Variants in INVS observed in about 807,000 individuals in gnomAD.
INVS encodes the protein inversin, also known as inversion of embryo turning homolog.
Under a neutral mutation model 108.8 loss-of-function variants are expected in INVS, and 86 were observed. That is an observed-to-expected ratio of 0.79 (90% confidence interval 0.66 to 0.95). The LOEUF is 0.95. Ranked by LOEUF, INVS falls within the 40% of genes least tolerant of loss-of-function variation. The pLI, the probability that INVS is intolerant of heterozygous loss-of-function variation, is 0.00. For synonymous variants in INVS, 455 were observed against 473.5 expected (o/e 0.96, Z 0.51); for missense variants, 1,169 against 1,297.4 (o/e 0.90, Z 1.52).
intron 14 of INVS, 96 bp from the exon 15 acceptor site, chr9:100,296,821 G>A: frequency 1.0e-6 from 1 of 972,518 alleles, no homozygotes; most frequent in Non-Finnish European, 1.6e-6. Context: ...CAGGAATTCA[G>A]CAAATACTAC....
intron 12 of INVS, among the ~76,000 whole-genome samples, chr9:100,274,426 G>A (rs188763479): frequency 1.2e-4 from 19 of 152,290 alleles, no homozygotes; most frequent in Middle Eastern, 3.4e-3. Context: ...AGATATGTTG[G>A]GTAGAAGTAT....
intron 3 of INVS, among the ~76,000 whole-genome samples, chr9:100,132,167 G>A (rs960958311): frequency 2.0e-5 from 3 of 152,062 alleles, no homozygotes; most frequent in Non-Finnish European, 2.9e-5. Flanking sequence ...TGATTTCATA[G>A]TTACAGTCCT....
At chr9:100,221,285 T>C (rs985750621) in intron 3 of INVS, among the ~76,000 whole-genome samples, 1 of 151,206 alleles carries the variant, frequency 6.6e-6, no homozygotes, top group Non-Finnish European at 1.5e-5. Flanking sequence ...TTCCCAAAGA[T>C]TGAATTTGCA....
intron 2 of INVS, chr9:100,117,714 A>G: frequency 1.7e-6 from 1 of 576,398 alleles, no homozygotes; most frequent in Middle Eastern, 4.6e-4. Flanking sequence ...ATACGTTTTG[A>G]GGTAATTTTT....
chr9:100,126,639 A>C, intron 3 of INVS, 90 bp downstream of exon 3: 1 of 1,260,886 alleles, frequency 7.9e-7, no homozygotes, highest in Non-Finnish European at 1.2e-6. Context: ...GATAATAAAG[A>C]AGTCTCAAAT....
chr9:100,117,170 A>T, intron 2 of INVS: 1 of 1,175,286 alleles, frequency 8.5e-7, no homozygotes, highest in South Asian at 1.3e-5. Flanking sequence ...GGCCAGGATG[A>T]TGGCCTTACG....
intron 13 of INVS, 97 bp from the exon 14 acceptor site, chr9:100,292,227 TGA>T: frequency 9.4e-7 from 1 of 1,067,952 alleles, no homozygotes; most frequent in Admixed American, 1.7e-5. Flanking sequence ...ACTATTATGG[TGA>T]TGATATAGGC....
At chr9:100,176,577 T>C (rs986530334) in intron 3 of INVS, among the ~76,000 whole-genome samples, 40 of 152,026 alleles carry the variant, frequency 2.6e-4, no homozygotes, top group African/African-American at 8.5e-4. Flanking sequence ...TCCGGGTTGA[T>C]GTGATTCTCC....
intron 3 of INVS, among the ~76,000 whole-genome samples, chr9:100,189,195 G>A (rs548192529): frequency 7.1e-6 from 1 of 140,870 alleles, no homozygotes; most frequent in African/African-American, 2.8e-5. Context: ...TGTTTCATTG[G>A]TTCTTTTATA....
chr9:100,134,009 G>A (rs1828139451), intron 3 of INVS, among the ~76,000 whole-genome samples: 1 of 152,080 alleles, frequency 6.6e-6, no homozygotes, highest in Admixed American at 6.5e-5. Context: ...GTTCTCTAGT[G>A]GAGATTTGTG....
rs1333406751 is a variant in INVS, at chr9:100,301,178, C to T, written c.*504C>T. Among the ~76,000 whole-genome samples, 14 of 49,118 alleles carry T rather than the reference C, an allele frequency of 2.9e-4. No individual in the cohort carries two copies. The highest frequency in any genetic ancestry group is 5.3e-4 in the African/African-American group (4 of 7,532). 32.2% of individuals were successfully genotyped at this position (49,118 alleles called of 152,430 possible). A position where few individuals can be genotyped will look rare whatever the true frequency, so the allele number is the denominator to read the frequency against. Reference sequence around the variant, plus strand: ...ACACACACACACACACACACACACACATATCACGTCCCACTATTACTTCAA... The same window carrying T: ...ACACACACACACACACACACACACATATATCACGTCCCACTATTACTTCAA... On this transcript the variant is annotated 3_prime_UTR_variant, in exon 17 of 17. Transcript: ENST00000262457.
chr9:100,267,597 AT>A (rs1356208539), intron 11 of INVS, among the ~76,000 whole-genome samples: 1 of 152,228 alleles, frequency 6.6e-6, no homozygotes, highest in Non-Finnish European at 1.5e-5. Flanking sequence ...TATAGACATA[AT>A]TTTTGCCAAC....
In INVS at chr9:100,141,716, G is replaced by A. The variant is rs556614939; in HGVS notation, c.273+15167G>A. ...AGCTTGATATGTAGGAAAGGGAGGAGGCCTGAACAATCCCTGAGGGGTAGT... is the reference window on the plus strand; with the variant it reads ...AGCTTGATATGTAGGAAAGGGAGGAAGCCTGAACAATCCCTGAGGGGTAGT... On this transcript the variant is annotated intron_variant, in intron 3 of 16. Coordinates refer to ENST00000262457, the MANE Select transcript of INVS (RefSeq NM_014425.5). 2.0e-5 allele frequency among the ~76,000 whole-genome samples: 3 copies of A among 152,320 alleles called. No individual in the cohort carries two copies. The East Asian group carries it at 5.8e-4, about 29-fold the overall frequency.
intron 2 of INVS, among the ~76,000 whole-genome samples, chr9:100,122,788 G>A (rs969630187): frequency 6.6e-6 from 1 of 151,786 alleles, no homozygotes; most frequent in Non-Finnish European, 1.5e-5. Context: ...GTTTCACCAT[G>A]TTAGCCAGGA....
chr9:100,205,785 T>G (rs1329681476), intron 3 of INVS, among the ~76,000 whole-genome samples: 1 of 152,064 alleles, frequency 6.6e-6, no homozygotes, highest in Non-Finnish European at 1.5e-5. Flanking sequence ...GTAAAGCATT[T>G]ATTTATTCAA....
chr9:100,226,913 G>A (rs1831344953), intron 4 of INVS, among the ~76,000 whole-genome samples: 1 of 151,722 alleles, frequency 6.6e-6, no homozygotes, highest in Admixed American at 6.6e-5. Flanking sequence ...GACTCATGAT[G>A]GCCAAATGCC....
intron 14 of INVS, 117 bp from the exon 15 acceptor site, chr9:100,296,800 A>G (rs937452741): frequency 1.2e-6 from 1 of 820,474 alleles, no homozygotes; most frequent in Non-Finnish European, 2.0e-6. Context: ...TGGGAGCTTG[A>G]ATGAACCTAC....
intron 2 of INVS, among the ~76,000 whole-genome samples, chr9:100,118,297 C>G (rs1827614003): frequency 1.3e-5 from 2 of 151,898 alleles, no homozygotes; most frequent in African/African-American, 4.8e-5. Flanking sequence ...CAACCTCCAC[C>G]TCCCGGGTTC....
intron 3 of INVS, among the ~76,000 whole-genome samples, chr9:100,180,360 T>C (rs1387671125): frequency 6.9e-6 from 1 of 145,540 alleles, no homozygotes; most frequent in African/African-American, 2.5e-5. Context: ...TTTTAAAAGA[T>C]TAACAACAGG....
Sources: allele counts gnomAD v4.1 joint callset (sites outside exome capture counted in the v4.1 genomes callset), GRCh38; gene constraint gnomAD v4.1.1; transcripts MANE v1.5; gene names NCBI Gene and HGNC (gene_info 2026-07-23, HGNC 2026-07-21).